Variants in MACROD2 observed in about 807,000 individuals in gnomAD.
The protein encoded by MACROD2 is mono-ADP ribosylhydrolase 2, also known as ADP-ribose glycohydrolase MACROD2.
Under a neutral mutation model 70.4 loss-of-function variants are expected in MACROD2, and 36 were observed. The observed-to-expected ratio is 0.51, with a 90% CI of 0.39 to 0.68. MACROD2 has a LOEUF of 0.68. Ranked by LOEUF, MACROD2 falls within the 30% of genes least tolerant of loss-of-function variation. The probability of loss-of-function intolerance (pLI) is 0.00; values close to 1 mark genes in which losing one functional copy is unlikely to be tolerated. For synonymous variants in MACROD2, 172 were observed against 178.8 expected (o/e 0.96, Z 0.30); for missense variants, 496 against 538.4 (o/e 0.92, Z 0.78).
intron 5 of MACROD2, chr20:14,906,137 A>G (rs2073956148): frequency 6.6e-6 from 1 of 151,906 alleles, no homozygotes; most frequent in South Asian, 2.1e-4. Context: ...TATAAAGTAT[A>G]ATAAGAGGGA....
chr20:15,001,129 T>C (rs2074992132), intron 5 of MACROD2, among the ~76,000 whole-genome samples: 1 of 152,174 alleles, frequency 6.6e-6, no homozygotes, highest in Non-Finnish European at 1.5e-5. Flanking sequence ...GTTAGAATGA[T>C]AGCAGGTAGG....
chr20:16,046,653 C>A (rs2067385529), intron 17 of MACROD2, among the ~76,000 whole-genome samples: 4 of 149,158 alleles, frequency 2.7e-5, no homozygotes, highest in Admixed American at 2.0e-4. Context: ...ATATGTTAAC[C>A]CAAATGAATC....
chr20:16,035,111 A>T lies in MACROD2; in HGVS notation c.1154-6090A>T, dbSNP rs1318176890. Among the ~76,000 whole-genome samples the T allele has an allele frequency of 6.2e-5, 2 of 32,072 alleles. 1 individual carries two copies. The highest frequency in any genetic ancestry group is 1.2e-4 in the African/African-American group (2 of 16,836). 21.0% of individuals were successfully genotyped at this position (32,072 alleles called of 152,430 possible). ...ATATAAAATATTATATATTATATATAAAATATAATATAAAATATTATATAT... is the reference window on the plus strand; with the variant it reads ...ATATAAAATATTATATATTATATATTAAATATAATATAAAATATTATATAT... On this transcript the variant is annotated intron_variant, in intron 15 of 17. Transcript: ENST00000684519.
intron 4 of MACROD2, among the ~76,000 whole-genome samples, chr20:14,615,461 T>C (rs1279789989): frequency 6.6e-6 from 1 of 152,050 alleles, no homozygotes; most frequent in African/African-American, 2.4e-5. Flanking sequence ...TTAGGGTGAA[T>C]TGGGAATTAC....
At chr20:14,688,533 G>C (rs1207924310) in intron 5 of MACROD2, among the ~76,000 whole-genome samples, 2 of 152,066 alleles carry the variant, frequency 1.3e-5, no homozygotes, top group African/African-American at 4.8e-5. Context: ...GAAATCTTAA[G>C]GGTAGAAAGA....
At chr20:15,129,932 GA>G (rs1417395825) in intron 5 of MACROD2, among the ~76,000 whole-genome samples, 2 of 152,116 alleles carry the variant, frequency 1.3e-5, no homozygotes, top group Non-Finnish European at 2.9e-5. Context: ...AAGAGGAACA[GA>G]AAGCAGTAGA....
At chr20:15,891,720 G>C (rs1213471876) in intron 10 of MACROD2, among the ~76,000 whole-genome samples, 1 of 152,158 alleles carries the variant, frequency 6.6e-6, no homozygotes, top group African/African-American at 2.4e-5. Context: ...AAATTTCTGG[G>C]TAGATAGTAA....
At chr20:14,344,410 G>A (rs1450262143) in intron 3 of MACROD2, among the ~76,000 whole-genome samples, 1 of 151,938 alleles carries the variant, frequency 6.6e-6, no homozygotes, top group Non-Finnish European at 1.5e-5. Flanking sequence ...AAAATATAAA[G>A]GTACTTAAAT....
intron 4 of MACROD2, among the ~76,000 whole-genome samples, chr20:14,544,560 G>T (rs1380968332): frequency 6.6e-6 from 1 of 152,108 alleles, no homozygotes; most frequent in African/African-American, 2.4e-5. Context: ...TCTTATTATT[G>T]TTGCAATGAT....
intron 5 of MACROD2, among the ~76,000 whole-genome samples, chr20:14,946,799 ATTTCTTTTAATTCAC>A (rs1453141372): frequency 6.6e-6 from 1 of 152,102 alleles, no homozygotes; most frequent in Non-Finnish European, 1.5e-5. Flanking sequence ...TTTAAAGTTT[ATTTCTTTTAATTCAC>A]TTTCATTCCA....
intron 5 of MACROD2, among the ~76,000 whole-genome samples, chr20:14,841,527 G>GAAAA (rs11481126): frequency 2.7e-5 from 4 of 149,208 alleles, no homozygotes; most frequent in Non-Finnish European, 6.0e-5. Flanking sequence ...ATGTTTTCAG[G>GAAAA]AAAAAAAAAA....
chr20:15,103,266 A>G (rs1031304638), intron 5 of MACROD2, among the ~76,000 whole-genome samples: 7 of 152,146 alleles, frequency 4.6e-5, no homozygotes, highest in Admixed American at 3.9e-4. Context: ...GGTTTTCTTC[A>G]TAGTCACACG....
intron 13 of MACROD2, among the ~76,000 whole-genome samples, chr20:15,977,109 C>T (rs2147439335): frequency 6.6e-6 from 1 of 152,194 alleles, no homozygotes; most frequent in African/African-American, 2.4e-5. Flanking sequence ...TCTGGATGCT[C>T]TACTCTTTCC....
chr20:14,264,023 AC>A (rs1568527555), intron 3 of MACROD2, among the ~76,000 whole-genome samples: 13 of 132,458 alleles, frequency 9.8e-5, no homozygotes, highest in African/African-American at 3.7e-4. Context: ...ACACACACAC[AC>A]ACAACACAAG....
At chr20:14,893,960 T>C (rs148773681) in intron 5 of MACROD2, 5 of 151,866 alleles carry the variant, frequency 3.3e-5, no homozygotes, top group African/African-American at 1.2e-4. Flanking sequence ...AATTATTAAA[T>C]TTTTATGTAG....
intron 6 of MACROD2, among the ~76,000 whole-genome samples, chr20:15,407,550 G>A (rs1480324889): frequency 1.3e-5 from 2 of 152,188 alleles, no homozygotes; most frequent in Non-Finnish European, 2.9e-5. Context: ...GTGTTAAGGA[G>A]GCTAGAGGTG....
chr20:15,530,989 AAAT>A (rs2047790616), intron 8 of MACROD2, among the ~76,000 whole-genome samples: 1 of 146,396 alleles, frequency 6.8e-6, no homozygotes, highest in African/African-American at 2.6e-5. Flanking sequence ...AAGTTGAAAA[AAAT>A]AACTTCGCTT....
rs868178391 is a variant in MACROD2, at chr20:14,310,398, C to A, written c.272-183081C>A. Among the ~76,000 whole-genome samples, 5 of 152,198 alleles carry A rather than the reference C, an allele frequency of 3.3e-5. No homozygotes were observed. The East Asian group carries it at 5.8e-4, about 18-fold the overall frequency. ...TTTGACCAATGATGGACTACATATA[C>A]AATCATGGTCCCATAAGATTATAAT... On this transcript the variant is annotated intron_variant, in intron 3 of 17. Coordinates refer to ENST00000684519, the MANE Select transcript of MACROD2 (RefSeq NM_001351661.2).
At chr20:14,466,946 T>A (rs1186957360) in intron 3 of MACROD2, among the ~76,000 whole-genome samples, 1 of 152,150 alleles carries the variant, frequency 6.6e-6, no homozygotes, top group Admixed American at 6.5e-5. Flanking sequence ...CCGCCCCTAC[T>A]CGGGGGTGCC....
Sources: gnomAD v4.1 joint callset for allele counts (sites outside exome capture counted in the v4.1 genomes callset) on GRCh38, gnomAD v4.1.1 for gene constraint, MANE v1.5 for transcripts, NCBI Gene and HGNC (gene_info 2026-07-23, HGNC 2026-07-21) for gene names.